Variants in ACACA observed in about 807,000 individuals in gnomAD.
ACACA encodes acetyl-CoA carboxylase alpha, also known as acetyl-CoA carboxylase 1.
ACACA carries 103 observed loss-of-function variants against 296.1 expected under a neutral mutation model. The ratio of observed to expected loss-of-function variants is 0.35; its 90% CI spans 0.30 to 0.41. The LOEUF (loss-of-function observed/expected upper bound fraction) is 0.41, where lower values mean the gene tolerates loss of function less well. Ranked by LOEUF, ACACA falls within the 10% of genes least tolerant of loss-of-function variation. ACACA has a pLI of 1.00. For missense variants in ACACA, 1,554 were observed against 2,989.7 expected, an observed-to-expected ratio of 0.52 and a Z score of 11.20; for synonymous variants, 953 against 1,038.6, an observed-to-expected ratio of 0.92 and a Z score of 1.58.
intron 3 of ACACA, among the ~76,000 whole-genome samples, chr17:37,316,333 A>ACACACACACACACC (rs987022083): frequency 7.4e-5 from 11 of 149,556 alleles, no homozygotes; most frequent in African/African-American, 2.7e-4. Context: ...ACACACACAC[A>ACACACACACACACC]CCCCTAACTT....
chr17:37,118,944 A>C (rs909992426), intron 50 of ACACA, among the ~76,000 whole-genome samples: 2 of 152,240 alleles, frequency 1.3e-5, no homozygotes, highest in Admixed American at 1.3e-4. Context: ...TTTTCCTAGA[A>C]GTGGCACATT....
chr17:37,347,096 G>T (rs2048660821), intron 1 of ACACA, among the ~76,000 whole-genome samples: 1 of 152,104 alleles, frequency 6.6e-6, no homozygotes, highest in Admixed American at 6.6e-5. Context: ...TTGTGGGAGG[G>T]ACCTGGTGGG....
At position 37,406,759 on chromosome 17, in the gene ACACA, A is replaced by T. The variant is rs2051531179; in HGVS notation, c.-460T>A. 1 of 162,254 alleles carries T rather than the reference A, an allele frequency of 6.2e-6. No individual in the cohort carries two copies. Among genetic ancestry groups the T allele is most frequent in the Non-Finnish European group, 1.3e-5 (1 of 75,032 alleles). The allele number at this position is 162,254 out of a possible 1,614,324, so 10.1% of individuals were successfully genotyped here. ...GGACAGCAGCAGGCGCGCGGCGGGG[A>T]CCGGGAAAAGGCCAAGAGGGCGGTG... On this transcript the variant is annotated 5_prime_UTR_variant, in exon 1 of 56. Transcript: ENST00000616317.
intron 1 of ACACA, among the ~76,000 whole-genome samples, chr17:37,354,315 C>A (rs938483476): frequency 2.0e-5 from 3 of 152,180 alleles, no homozygotes; most frequent in Admixed American, 2.0e-4. Context: ...ACTGGGGCCA[C>A]CAACCTTTAG....
intron 30 of ACACA, among the ~76,000 whole-genome samples, chr17:37,208,471 A>G (rs1051276915): frequency 3.7e-4 from 56 of 152,098 alleles, no homozygotes; most frequent in African/African-American, 1.0e-3. Flanking sequence ...AAAGAGAGCT[A>G]TTTTTCAACC....
At chr17:37,156,014 C>T (rs2076227445) in intron 42 of ACACA, among the ~76,000 whole-genome samples, 1 of 151,158 alleles carries the variant, frequency 6.6e-6, no homozygotes, top group Admixed American at 6.6e-5. Flanking sequence ...AGCTGCAATT[C>T]CAAGTATATT....
intron 41 of ACACA, among the ~76,000 whole-genome samples, chr17:37,171,149 AT>A (rs2076868878): frequency 6.6e-6 from 1 of 152,162 alleles, no homozygotes; most frequent in East Asian, 1.9e-4. Context: ...GCCTTGCTAT[AT>A]TCATGCTAAA....
At chr17:37,185,321 C>T (rs1024554409) in intron 39 of ACACA, among the ~76,000 whole-genome samples, 5 of 151,596 alleles carry the variant, frequency 3.3e-5, no homozygotes, top group African/African-American at 1.2e-4. Context: ...CAGCCTCAAA[C>T]TCCGGGGCCC....
chr17:37,181,928 A>G (rs2218492), intron 39 of ACACA, among the ~76,000 whole-genome samples: 3 of 149,464 alleles, frequency 2.0e-5, no homozygotes, highest in East Asian at 2.0e-4. Flanking sequence ...AAAAAAAAAA[A>G]GGAAATAAAC....
intron 3 of ACACA, among the ~76,000 whole-genome samples, chr17:37,329,963 A>G (rs2047798143): frequency 6.6e-6 from 1 of 152,124 alleles, no homozygotes; most frequent in Non-Finnish European, 1.5e-5. Flanking sequence ...CAAAAACAAA[A>G]AAAACCTAGT....
chr17:37,296,481 A>G (rs1598425964), intron 3 of ACACA, among the ~76,000 whole-genome samples: 1 of 150,854 alleles, frequency 6.6e-6, no homozygotes, highest in South Asian at 2.1e-4. Flanking sequence ...AATTTTTTGT[A>G]TTTTTAGTAG....
intron 45 of ACACA, among the ~76,000 whole-genome samples, chr17:37,132,237 G>A (rs2075133262): frequency 6.6e-6 from 1 of 152,206 alleles, no homozygotes; most frequent in Non-Finnish European, 1.5e-5. Flanking sequence ...AACAGGCAGA[G>A]GGCATTACAT....
chr17:37,374,398 T>C (rs2049919563), intron 1 of ACACA, among the ~76,000 whole-genome samples: 1 of 151,832 alleles, frequency 6.6e-6, no homozygotes, highest in Non-Finnish European at 1.5e-5. Context: ...GCGATTCTCC[T>C]ACCTCAGCCT....
intron 28 of ACACA, among the ~76,000 whole-genome samples, chr17:37,222,809 A>G (rs1265183933): frequency 6.6e-6 from 1 of 152,244 alleles, no homozygotes; most frequent in Non-Finnish European, 1.5e-5. Flanking sequence ...TCTTCAAAAA[A>G]CAACTATTTG....
intron 33 of ACACA, among the ~76,000 whole-genome samples, chr17:37,201,237 G>A (rs2078232792): frequency 6.6e-6 from 1 of 152,128 alleles, no homozygotes; most frequent in South Asian, 2.1e-4. Flanking sequence ...CCGGGAGTTT[G>A]AGACCAGCCT....
chr17:37,390,140 GTA>G (rs1243535532), intron 1 of ACACA, among the ~76,000 whole-genome samples: 5,999 of 34,522 alleles, frequency 0.17, 692 homozygotes, highest in Non-Finnish European at 0.23. Context: ...AAAAAAAAAA[GTA>G]TATATATATA....
rs1017531151 is a variant in ACACA, at chr17:37,097,685, C to G, written c.6720+145G>C. ...TAACAGTTACAGAAACAGTGAAAAT[C>G]TAAAAAATATTGAAAATGTTTTGAT... On this transcript the variant is annotated intron_variant, in intron 53 of 55. Coordinates refer to ENST00000616317, the MANE Select transcript of ACACA (RefSeq NM_198834.3). This position sits in a 1 kb window ranked among gnomAD's most constrained non-coding sequence, Gnocchi z 4.8. 9.9e-7 allele frequency: 1 copy of G among 1,013,442 alleles called. No individual in the cohort carries two copies. Among genetic ancestry groups the G allele is most frequent in the Non-Finnish European group, 1.4e-6 (1 of 693,076 alleles). The allele number at this position is 1,013,442 out of a possible 1,614,324, so 62.8% of individuals were successfully genotyped here.
chr17:37,284,713 T>C, intron 4 of ACACA, 125 bp downstream of exon 4: 1 of 1,286,418 alleles, frequency 7.8e-7, no homozygotes, highest in Non-Finnish European at 1.1e-6. Context: ...AGGCTAAAAT[T>C]CACATAAAGA....
chr17:37,124,321 G>A (rs1205999970), intron 48 of ACACA, among the ~76,000 whole-genome samples: 1 of 152,200 alleles, frequency 6.6e-6, no homozygotes, highest in Non-Finnish European at 1.5e-5. Context: ...AGCCAAGCTT[G>A]ACTGATCTTG....
Sources: allele counts gnomAD v4.1 joint callset (sites outside exome capture counted in the v4.1 genomes callset), GRCh38; gene constraint gnomAD v4.1.1; non-coding constraint Gnocchi (gnomAD v3.1); transcripts MANE v1.5; gene names NCBI Gene and HGNC (gene_info 2026-07-23, HGNC 2026-07-21).